The following MAP7 variants were observed in gnomAD, a reference collection of about 807,000 sequenced individuals.
MAP7 encodes microtubule associated protein 7.
MAP7 carries 52 observed loss-of-function variants against 94.8 expected under a neutral mutation model. That is an observed-to-expected ratio of 0.55 (90% CI 0.44 to 0.69). The LOEUF is 0.69. Ranked by LOEUF, MAP7 falls within the 30% of genes least tolerant of loss-of-function variation. MAP7 has a pLI of 0.00. For synonymous variants in MAP7, 350 were observed against 357.0 expected, an observed-to-expected ratio of 0.98 and a Z score of 0.22; for missense variants, 940 against 964.6, an observed-to-expected ratio of 0.97 and a Z score of 0.34.
intron 3 of MAP7, among the ~76,000 whole-genome samples, chr6:136,402,209 C>CACTT (rs1222324493): frequency 6.6e-6 from 1 of 152,236 alleles, no homozygotes; most frequent in Non-Finnish European, 1.5e-5. Flanking sequence ...TCCCTCATAG[C>CACTT]ACTTACACTC....
intron 1 of MAP7, among the ~76,000 whole-genome samples, chr6:136,448,068 T>A (rs1438141634): frequency 6.6e-6 from 1 of 152,162 alleles, no homozygotes; most frequent in Non-Finnish European, 1.5e-5. Context: ...GGCACCTGCC[T>A]GTAATCCCAG....
chr6:136,351,818 G>C (rs1789290116), intron 16 of MAP7, among the ~76,000 whole-genome samples: 4 of 152,208 alleles, frequency 2.6e-5, no homozygotes, highest in Admixed American at 2.6e-4. Context: ...CTGCTGGAGA[G>C]ACACTGCAGC....
intron 1 of MAP7, among the ~76,000 whole-genome samples, chr6:136,547,284 G>T (rs545008231): frequency 6.6e-6 from 1 of 152,276 alleles, no homozygotes; most frequent in South Asian, 2.1e-4. Context: ...GAATTGACAG[G>T]TTATTGGCAT....
At chr6:136,486,942 T>C (rs1814968085) in intron 1 of MAP7, among the ~76,000 whole-genome samples, 6 of 151,904 alleles carry the variant, frequency 3.9e-5, no homozygotes, top group Admixed American at 3.9e-4. Context: ...AACATCCCAA[T>C]AAAAATGTCA....
chr6:136,535,567 G>A (rs1248826281), intron 1 of MAP7, among the ~76,000 whole-genome samples: 3 of 152,134 alleles, frequency 2.0e-5, no homozygotes, highest in Non-Finnish European at 4.4e-5. Flanking sequence ...ATTGTGGTGG[G>A]TAAGTTTGAG....
At chr6:136,537,957 T>A (rs1435143462) in intron 1 of MAP7, among the ~76,000 whole-genome samples, 1 of 152,270 alleles carries the variant, frequency 6.6e-6, no homozygotes, top group East Asian at 1.9e-4. Flanking sequence ...AATTTTGTAG[T>A]TTTAGTAGAA....
At chr6:136,426,184 T>C (rs555206046) in intron 1 of MAP7, among the ~76,000 whole-genome samples, 2 of 152,246 alleles carry the variant, frequency 1.3e-5, no homozygotes, top group Non-Finnish European at 2.9e-5. Context: ...TATCTGCTCA[T>C]GTATTTCTGC....
At chr6:136,435,577 C>T (rs1053867506) in intron 1 of MAP7, among the ~76,000 whole-genome samples, 6 of 152,076 alleles carry the variant, frequency 3.9e-5, no homozygotes, top group African/African-American at 1.2e-4. Flanking sequence ...ATGCATATGC[C>T]CTAAACTTCA....
chr6:136,372,454 C>A (rs745350273), intron 8 of MAP7, 47 bp downstream of exon 8: 1 of 1,609,928 alleles, frequency 6.2e-7, no homozygotes, highest in Non-Finnish European at 8.5e-7. Flanking sequence ...TGCACAGGAA[C>A]AGCACTGGCT....
In MAP7 at chr6:136,388,893, A is replaced by T. The variant is rs141561627; in HGVS notation, c.409-383T>A. ...AGTTCAGAATCTGAGAACATGGGTA[A>T]CCCTGACCCCATGACTTATTGAGTT... is the stretch of plus-strand genomic sequence containing the variant. On this transcript the variant is annotated intron_variant, in intron 4 of 17. Coordinates refer to ENST00000354570, the MANE Select transcript of MAP7 (RefSeq NM_003980.6). Among the ~76,000 whole-genome samples the T allele has an allele frequency of 1.5e-3, 225 of 152,266 alleles. 3 individuals are homozygous for T. Among genetic ancestry groups the T allele is most frequent in the Middle Eastern group, 0.014 (4 of 292 alleles).
intron 1 of MAP7, among the ~76,000 whole-genome samples, chr6:136,468,455 C>T (rs761068621): frequency 4.6e-5 from 7 of 152,014 alleles, no homozygotes; most frequent in Non-Finnish European, 1.0e-4. Flanking sequence ...AGATGCTGCT[C>T]GACTTACAAT....
intron 1 of MAP7, among the ~76,000 whole-genome samples, chr6:136,539,796 T>A (rs544735208): frequency 4.0e-4 from 61 of 152,246 alleles, no homozygotes; most frequent in African/African-American, 1.4e-3. Flanking sequence ...CTGGGCAACA[T>A]AGAGAAATCT....
At chr6:136,437,533 A>G (rs1180821239) in intron 1 of MAP7, among the ~76,000 whole-genome samples, 1 of 152,224 alleles carries the variant, frequency 6.6e-6, no homozygotes, top group African/African-American at 2.4e-5. Flanking sequence ...CTGGGGTTAT[A>G]AAAATACCAA....
chr6:136,465,463 A>G (rs961412216), intron 1 of MAP7, among the ~76,000 whole-genome samples: 2 of 152,192 alleles, frequency 1.3e-5, no homozygotes, highest in African/African-American at 4.8e-5. Context: ...AGATATGTAA[A>G]CATGCTTTCT....
intron 16 of MAP7, among the ~76,000 whole-genome samples, chr6:136,351,867 G>A (rs1174801793): frequency 6.6e-6 from 1 of 152,132 alleles, no homozygotes; most frequent in African/African-American, 2.4e-5. Flanking sequence ...TTGCTCAGCA[G>A]GCTTCTTTAG....
chr6:136,504,739 G>A (rs1820864996), intron 1 of MAP7, among the ~76,000 whole-genome samples: 1 of 152,114 alleles, frequency 6.6e-6, no homozygotes, highest in African/African-American at 2.4e-5. Flanking sequence ...GGAGTGCAGT[G>A]GCACAATCTC....
At chr6:136,529,178 A>T (rs1441850257) in intron 1 of MAP7, among the ~76,000 whole-genome samples, 1 of 152,128 alleles carries the variant, frequency 6.6e-6, no homozygotes, top group East Asian at 1.9e-4. Context: ...GTGCAGTCGC[A>T]GTCTTGGCTC....
intron 3 of MAP7, among the ~76,000 whole-genome samples, chr6:136,402,234 T>G (rs868661851): frequency 3.3e-5 from 5 of 152,366 alleles, no homozygotes; most frequent in Middle Eastern, 3.4e-3. Flanking sequence ...CGGTAGCTAC[T>G]CTGCTTTTAT....
chr6:136,382,322 A>G (rs949939713), intron 6 of MAP7, among the ~76,000 whole-genome samples: 7 of 152,218 alleles, frequency 4.6e-5, no homozygotes, highest in African/African-American at 1.7e-4. Context: ...ATAAAGTTTT[A>G]AAGAAGTGTA....
Sources: gnomAD v4.1 joint callset for allele counts (sites outside exome capture counted in the v4.1 genomes callset) on GRCh38, gnomAD v4.1.1 for gene constraint, MANE v1.5 for transcripts, NCBI Gene and HGNC (gene_info 2026-07-23, HGNC 2026-07-21) for gene names.